Variants in GTF2H2C observed in about 807,000 individuals in gnomAD.
GTF2H2C encodes general transcription factor IIH subunit 2-like protein.
In GTF2H2C, 5 loss-of-function variants were observed where a neutral mutation model predicts 24.8. That is an observed-to-expected ratio of 0.20 (90% CI 0.11 to 0.42). The LOEUF (loss-of-function observed/expected upper bound fraction) is 0.42. Among genes scored for constraint, GTF2H2C ranks in the 20% least tolerant of loss-of-function variants. GTF2H2C has a pLI of 1.00. For synonymous variants in GTF2H2C, 14 were observed against 52.6 expected, an observed-to-expected ratio of 0.27 and a Z score of 3.18; for missense variants, 45 against 169.8, an observed-to-expected ratio of 0.27 and a Z score of 4.08.
intron 9 of GTF2H2C, among the ~76,000 whole-genome samples, chr5:69,573,204 G>A (rs1342608689): frequency 1.6e-5 from 2 of 127,998 alleles, no homozygotes; most frequent in South Asian, 5.3e-4. Flanking sequence ...ATATTTTTTC[G>A]AGACAGAGTC....
chr5:69,561,724 C>T (rs1297828632), intron 1 of GTF2H2C, among the ~76,000 whole-genome samples: 1 of 151,744 alleles, frequency 6.6e-6, no homozygotes, highest in Admixed American at 6.6e-5. Flanking sequence ...AACATAGTAG[C>T]CTCGACTCTC....
At chr5:69,564,793 T>C (rs963175224) in intron 2 of GTF2H2C, among the ~76,000 whole-genome samples, 7 of 151,270 alleles carry the variant, frequency 4.6e-5, no homozygotes, top group African/African-American at 1.7e-4. Flanking sequence ...ACGCCCATAC[T>C]GACTCCTCAC....
intron 12 of GTF2H2C, among the ~76,000 whole-genome samples, chr5:69,580,875 GTTTTGGATCACT>G (rs1361589818): frequency 7.1e-6 from 1 of 141,466 alleles, no homozygotes; most frequent in Non-Finnish European, 1.5e-5. Flanking sequence ...GAAATTATTG[GTTTTGGATCACT>G]TTTTTTTTTC....
chr5:69,572,630 CCA>C, intron 9 of GTF2H2C, 80 bp downstream of exon 9: 1 of 654,980 alleles, frequency 1.5e-6, no homozygotes, highest in Admixed American at 4.4e-5. Flanking sequence ...AATATGGGGC[CCA>C]TAAACCCAGC....
intron 1 of GTF2H2C, among the ~76,000 whole-genome samples, chr5:69,560,763 ATTTT>A (rs1041835075): frequency 6.6e-6 from 1 of 151,366 alleles, no homozygotes; most frequent in Admixed American, 6.6e-5. Flanking sequence ...ACTTAAAAAA[ATTTT>A]TTTTTCTTCG....
At chr5:69,573,143 TATACACACACAC>T (rs1384934661) in intron 9 of GTF2H2C, among the ~76,000 whole-genome samples, 115 of 92,074 alleles carry the variant, frequency 1.2e-3, no homozygotes, top group Middle Eastern at 5.1e-3. Flanking sequence ...ATCTATTATA[TATACACACACAC>T]ACACACACAC....
In GTF2H2C at chr5:69,566,205, A is replaced by T; in HGVS notation, c.131A>T (p.Lys44Ile). 1 of 1,609,780 alleles carries T rather than the reference A, an allele frequency of 6.2e-7. No homozygotes were observed. The highest frequency in any genetic ancestry group is 8.5e-7 in the Non-Finnish European group (1 of 1,178,948). ...IEDILFKAKR[K>I]RVFEHHGQVR... ...GACATTCTATTCAAGGCAAAGAGAA[A>T]AAGGTATGTAACCTTCCTACGTATC... The change falls in exon 4 of 17, where the codon AAA becomes ATA. Residue 44 changes from lysine (K) to isoleucine (I), a missense_variant. Lys to Ile is a moderately radical substitution (Grantham distance 102). Transcript: ENST00000380729.
chr5:69,587,180 C>CAA (rs1168137991), intron 15 of GTF2H2C, among the ~76,000 whole-genome samples: 4 of 37,204 alleles, frequency 1.1e-4, no homozygotes, highest in African/African-American at 6.2e-4. Context: ...AACTTCGTCT[C>CAA]AAAAAAAAAA....
intron 4 of GTF2H2C, 135 bp downstream of exon 4, chr5:69,566,343 A>G (rs1222042390): frequency 4.3e-6 from 5 of 1,164,560 alleles, no homozygotes; most frequent in Non-Finnish European, 6.1e-6. Context: ...ACTATGGGGA[A>G]AGAACTAGCC....
intron 1 of GTF2H2C, among the ~76,000 whole-genome samples, chr5:69,561,564 G>GA (rs1201509888): frequency 3.4e-5 from 1 of 29,514 alleles, no homozygotes; most frequent in Non-Finnish European, 1.4e-4. Flanking sequence ...AGAAAAAAAA[G>GA]AAAAAAAAGA....
intron 2 of GTF2H2C, among the ~76,000 whole-genome samples, chr5:69,563,084 G>A (rs1458834086): frequency 1.3e-5 from 2 of 149,296 alleles, no homozygotes; most frequent in East Asian, 3.9e-4. Flanking sequence ...CCAGTAGCTG[G>A]GATTACAGGG....
chr5:69,589,872 AT>A (rs1243647715), intron 15 of GTF2H2C, among the ~76,000 whole-genome samples: 1 of 78,410 alleles, frequency 1.3e-5, no homozygotes, highest in Non-Finnish European at 2.3e-5. Flanking sequence ...AATTATTGCT[AT>A]TCTTTTTTTT....
intron 15 of GTF2H2C, among the ~76,000 whole-genome samples, chr5:69,587,061 TC>T (rs933801158): frequency 3.9e-5 from 5 of 127,724 alleles, no homozygotes; most frequent in African/African-American, 1.7e-4. Context: ...ATACCTGTAA[TC>T]CCAGCTACTC....
At chr5:69,563,208 G>GTTTTTTT (rs372454225) in intron 2 of GTF2H2C, among the ~76,000 whole-genome samples, 3 of 107,310 alleles carry the variant, frequency 2.8e-5, no homozygotes, top group African/African-American at 1.3e-4. Context: ...ACCCGGCCTG[G>GTTTTTTT]TTTTTTTTTT....
intron 1 of GTF2H2C, among the ~76,000 whole-genome samples, chr5:69,561,819 G>A (rs1244754992): frequency 6.6e-6 from 1 of 150,428 alleles, no homozygotes; most frequent in African/African-American, 2.4e-5. Flanking sequence ...ATTTTTTGAT[G>A]TTTTGTAGAG....
In GTF2H2C at chr5:69,579,086, TG is replaced by T; in HGVS notation, c.628del (p.Val210TyrfsTer14). 3.2e-5 allele frequency: 1 copy of T among 31,428 alleles called. No individual in the cohort carries two copies. 1.9% of individuals were successfully genotyped at this position (31,428 alleles called of 1,614,324 possible). ...GLSAEVRVCTVLARETGGTYH... is the reference protein window; with the variant it reads ...GLSAEVRVCTXLARETGGTYH... ...TGTCTGCAGAAGTTCGCGTTTGCACTGTACTTGCTCGTGAAACTGGTGGTAT... is the reference window on the plus strand; with the variant it reads ...TGTCTGCAGAAGTTCGCGTTTGCACTTACTTGCTCGTGAAACTGGTGGTAT... On this transcript the variant is annotated frameshift_variant, in exon 11 of 17. Coordinates refer to ENST00000380729, the MANE Select transcript of GTF2H2C (RefSeq NM_001376000.2). LOFTEE classifies it high-confidence loss of function.
chr5:69,562,798 T>TCCAC (rs1770459072), intron 2 of GTF2H2C, 28 bp downstream of exon 2: 1 of 142,010 alleles, frequency 7.0e-6, no homozygotes, highest in African/African-American at 2.6e-5. Flanking sequence ...CTGCTGATTT[T>TCCAC]TGTATTTCTA....
Position 69,594,498 on chromosome 5 carries a change from TTCTC to T in GTF2H2C, c.*2303_*2306del, listed in dbSNP as rs1772118147. On this transcript the variant is annotated 3_prime_UTR_variant, in exon 17 of 17. Coordinates refer to ENST00000380729, the MANE Select transcript of GTF2H2C (RefSeq NM_001376000.2). Reference sequence around the variant, plus strand: ...ACACACTGATCAGAGTAACGGGAGTTTCTCTCAGGAGTCATACTCCATGAGCCTG... The same window carrying T: ...ACACACTGATCAGAGTAACGGGAGTTTCAGGAGTCATACTCCATGAGCCTG... The T allele has an allele frequency of 7.0e-6, 1 of 143,580 alleles. No individual in the cohort carries two copies. Among genetic ancestry groups the T allele is most frequent in the Non-Finnish European group, 1.5e-5 (1 of 65,592 alleles). 8.9% of individuals were successfully genotyped at this position (143,580 alleles called of 1,614,324 possible).
chr5:69,566,904 C>T, intron 5 of GTF2H2C, 63 bp from the exon 6 acceptor site: 1 of 111,280 alleles, frequency 9.0e-6, no homozygotes, highest in Non-Finnish European at 1.5e-5. Context: ...GGCAACAGAA[C>T]GAGACCCAGT....
Sources: gnomAD v4.1 joint callset for allele counts (sites outside exome capture counted in the v4.1 genomes callset) on GRCh38, gnomAD v4.1.1 for gene constraint, MANE v1.5 for transcripts, NCBI Gene and HGNC (gene_info 2026-07-23, HGNC 2026-07-21) for gene names.